PUM2: variants seen among roughly 807,000 people sequenced by gnomAD.
PUM2 encodes the protein pumilio RNA binding family member 2.
PUM2 carries 57 observed loss-of-function variants against 124.5 expected under a neutral mutation model. The observed-to-expected ratio is 0.46, with a 90% confidence interval of 0.37 to 0.57. PUM2 has a LOEUF of 0.57. PUM2 is among the 20% of genes least tolerant of loss of function. The probability of loss-of-function intolerance (pLI) is 0.00; values close to 1 mark genes in which losing one functional copy is unlikely to be tolerated. For synonymous variants in PUM2, 460 were observed against 446.1 expected (o/e 1.03, Z -0.39); for missense variants, 1,065 against 1,290.6 (o/e 0.83, Z 2.68).
chr2:20,316,687 C>G (rs1472799978), intron 3 of PUM2, among the ~76,000 whole-genome samples: 2 of 151,934 alleles, frequency 1.3e-5, no homozygotes, highest in African/African-American at 4.8e-5. Flanking sequence ...AGTTCCGAGA[C>G]CAGCCTGGGT....
Position 20,290,783 on chromosome 2 carries a change from C to T in PUM2, c.1160G>A (p.Arg387His), listed in dbSNP as rs1223642580. ...AAGAGGACGCTGACCTGCTCCAGCACGGAGAACCTACAAAGGTAAAATGAT... is the reference window on the plus strand; with the variant it reads ...AAGAGGACGCTGACCTGCTCCAGCATGGAGAACCTACAAAGGTAAAATGAT... ...QAQPGQQQVL[R>H]AGAGQRPLTP... The change falls in exon 10 of 21, where the codon CGT becomes CAT. Residue 387 changes from arginine (R) to histidine (H), a missense_variant. Transcript: ENST00000361078. The T allele has an allele frequency of 6.9e-6, 11 of 1,586,370 alleles. No homozygotes were observed. Among genetic ancestry groups the T allele is most frequent in the Middle Eastern group, 1.7e-4 (1 of 5,874 alleles).
At chr2:20,311,260 C>T (rs931641763) in intron 5 of PUM2, among the ~76,000 whole-genome samples, 2 of 152,020 alleles carry the variant, frequency 1.3e-5, no homozygotes, top group African/African-American at 4.8e-5. Flanking sequence ...CAGCTTCTAA[C>T]ATTACTCCTT....
intron 1 of PUM2, among the ~76,000 whole-genome samples, chr2:20,343,664 G>A (rs981236163): frequency 3.9e-5 from 6 of 152,162 alleles, no homozygotes; most frequent in Admixed American, 3.3e-4. Flanking sequence ...CACTTTAGGA[G>A]GCCAAGACAG....
At chr2:20,327,251 A>C in intron 2 of PUM2, 59 bp downstream of exon 2, 1 of 1,234,820 alleles carries the variant, frequency 8.1e-7, no homozygotes, top group Non-Finnish European at 1.2e-6. Flanking sequence ...AAAAAAAAAT[A>C]AGTTACAATG....
chr2:20,306,243 C>A (rs1678257159), intron 7 of PUM2, among the ~76,000 whole-genome samples: 1 of 152,010 alleles, frequency 6.6e-6, no homozygotes, highest in Non-Finnish European at 1.5e-5. Flanking sequence ...ACAAAAAAAA[C>A]CTGATGCTTG....
At chr2:20,253,397 G>T (rs922729792) in intron 20 of PUM2, among the ~76,000 whole-genome samples, 2 of 152,078 alleles carry the variant, frequency 1.3e-5, no homozygotes, top group Non-Finnish European at 2.9e-5. Flanking sequence ...GTAGAGATGG[G>T]GGTCTATGTT....
chr2:20,263,595 A>G, intron 13 of PUM2, 135 bp from the exon 14 acceptor site: 1 of 1,092,796 alleles, frequency 9.2e-7, no homozygotes, highest in Non-Finnish European at 1.3e-6. Flanking sequence ...ACAGAAAATT[A>G]AAATTGGGAG....
chr2:20,275,130 A>G (rs531032318), intron 13 of PUM2, among the ~76,000 whole-genome samples: 1 of 152,004 alleles, frequency 6.6e-6, no homozygotes, highest in Admixed American at 6.6e-5. Context: ...CAGGGTATAA[A>G]CTATTAATCC....
intron 16 of PUM2, among the ~76,000 whole-genome samples, chr2:20,257,283 C>T (rs1665048906): frequency 6.6e-6 from 1 of 151,938 alleles, no homozygotes; most frequent in Non-Finnish European, 1.5e-5. Flanking sequence ...AGAATTTCCT[C>T]TGGAGGAATA....
At chr2:20,347,835 T>C (rs1264890815) in intron 1 of PUM2, among the ~76,000 whole-genome samples, 4 of 152,128 alleles carry the variant, frequency 2.6e-5, no homozygotes, top group Non-Finnish European at 5.9e-5. Flanking sequence ...CCTCTGGAAA[T>C]GGGGAGTCTA....
At position 20,344,908 on chromosome 2, in the gene PUM2, G is replaced by A. The variant is rs371059889; in HGVS notation, c.-19+5689C>T. Among the ~76,000 whole-genome samples the A allele has an allele frequency of 4.0e-5, 6 of 150,542 alleles. No homozygotes were observed. The East Asian group carries it at 6.0e-4, about 15-fold the overall frequency. ...TGAGGCAGGAGAAGGGCGTGAACCC[G>A]GGAGGCGGAGCTTGCAGTGAGTTGT... is the stretch of plus-strand genomic sequence containing the variant. On this transcript the variant is annotated intron_variant, in intron 1 of 20. Transcript: ENST00000361078.
At chr2:20,333,969 A>C (rs771076733) in intron 1 of PUM2, among the ~76,000 whole-genome samples, 1 of 152,068 alleles carries the variant, frequency 6.6e-6, no homozygotes, top group Non-Finnish European at 1.5e-5. Flanking sequence ...GCCACGTAAG[A>C]GGTGCCTGCT....
At chr2:20,275,053 A>ATGAGAAAATAACTCAATATTTAATAT (rs1669933887) in intron 13 of PUM2, among the ~76,000 whole-genome samples, 1 of 147,678 alleles carries the variant, frequency 6.8e-6, no homozygotes, top group African/African-American at 2.5e-5. Flanking sequence ...TTAATACAAC[A>ATGAGAAAATAACTCAATATTTAATAT]TGAGAAAATA....
chr2:20,344,848 T>A (rs1439564417), intron 1 of PUM2, among the ~76,000 whole-genome samples: 1 of 151,554 alleles, frequency 6.6e-6, no homozygotes, highest in Middle Eastern at 3.2e-3. Context: ...CAGGGCTTCG[T>A]GGCGGGCGCC....
intron 7 of PUM2, among the ~76,000 whole-genome samples, chr2:20,301,052 C>T (rs1676848725): frequency 6.6e-6 from 1 of 152,212 alleles, no homozygotes; most frequent in Admixed American, 6.5e-5. Context: ...TCCCAGCTTC[C>T]AGTTGTCCCA....
intron 1 of PUM2, chr2:20,332,870 T>TGCTTGGGGTATAAA (rs1260334325): frequency 6.6e-6 from 1 of 152,218 alleles, no homozygotes; most frequent in Non-Finnish European, 1.5e-5. Context: ...CACCATGTAC[T>TGCTTGGGGTATAAA]GCTTGGGGTA....
chr2:20,278,584 T>C lies in PUM2; in HGVS notation c.1956A>G (p.Leu652=). 6.2e-7 allele frequency: 1 copy of C among 1,604,482 alleles called. No individual in the cohort carries two copies. The highest frequency in any genetic ancestry group is 8.5e-7 in the Non-Finnish European group (1 of 1,172,238). The change falls in exon 13 of 21, where the codon TTA becomes TTG. Residue 652 remains leucine (L), a splice_region_variant and synonymous_variant. Coordinates refer to ENST00000361078, the MANE Select transcript of PUM2 (RefSeq NM_015317.5). ...AAAGGGTTTTGGTTTTTTTTTTACC[T>C]AAATGCAAACTGGATGAGGATCCAT... The part of the protein sequence containing the change: ...SSHGSSSSLH[L]GGLTNGSGRY...
At chr2:20,271,687 A>T (rs1572635132) in intron 13 of PUM2, among the ~76,000 whole-genome samples, 1 of 152,210 alleles carries the variant, frequency 6.6e-6, no homozygotes, top group African/African-American at 2.4e-5. Flanking sequence ...TGGATTAAAG[A>T]TCAATTGTTA....
rs1162967592 is a variant in PUM2, at chr2:20,250,914, T to C, written c.*671A>G. On this transcript the variant is annotated 3_prime_UTR_variant, in exon 21 of 21. Coordinates refer to ENST00000361078, the MANE Select transcript of PUM2 (RefSeq NM_015317.5). ...TAAGTATATACAATATTTCTGTACA[T>C]TGCCAGAGACATTTTAGGGCAGTAA... The C allele has an allele frequency of 6.6e-6, 1 of 152,592 alleles. No individual in the cohort carries two copies. The allele number at this position is 152,592 out of a possible 1,614,324, so 9.5% of individuals were successfully genotyped here. A position where few individuals can be genotyped will look rare whatever the true frequency, so the allele number is the denominator to read the frequency against.
Sources: allele counts gnomAD v4.1 joint callset (sites outside exome capture counted in the v4.1 genomes callset), GRCh38; gene constraint gnomAD v4.1.1; transcripts MANE v1.5; gene names NCBI Gene and HGNC (gene_info 2026-07-23, HGNC 2026-07-21).